PCDH11X: variants seen among roughly 807,000 people sequenced by gnomAD.
The protein encoded by PCDH11X is protocadherin 11 X-linked, also known as protocadherin-11 X-linked.
Under a neutral mutation model 53.3 loss-of-function variants are expected in PCDH11X, and 18 were observed. That is an observed-to-expected ratio of 0.34 (90% CI 0.23 to 0.50). The LOEUF (loss-of-function observed/expected upper bound fraction) is 0.50. Among genes scored for constraint, PCDH11X ranks in the 20% least tolerant of loss-of-function variants. The pLI, the probability that PCDH11X is intolerant of heterozygous loss-of-function variation, is 0.98. For synonymous variants in PCDH11X, 279 were observed against 393.3 expected (o/e 0.71, Z 3.44); for missense variants, 570 against 1,032.4 (o/e 0.55, Z 6.14).
At chrX:92,147,839 C>CTT (rs1216549015) in intron 6 of PCDH11X, among the ~76,000 whole-genome samples, 1 of 96,130 alleles carries the variant, frequency 1.0e-5, no homozygotes. Flanking sequence ...TTCTTTCTTT[C>CTT]TTTCTTTCTT....
intron 5 of PCDH11X, among the ~76,000 whole-genome samples, chrX:91,845,832 C>G (rs1602348938): frequency 9.1e-6 from 1 of 109,962 alleles, no homozygotes; most frequent in South Asian, 3.9e-4. Flanking sequence ...AACTAGTTTA[C>G]GTGTAAGGTA....
intron 6 of PCDH11X, among the ~76,000 whole-genome samples, chrX:91,894,548 T>C (rs1940658896): frequency 9.0e-6 from 1 of 111,705 alleles, no homozygotes; most frequent in African/African-American, 3.3e-5. Flanking sequence ...TTTAATCTGA[T>C]AGAGGCCAAA....
chrX:91,985,885 T>C (rs2062220823), intron 6 of PCDH11X, among the ~76,000 whole-genome samples: 1 of 104,292 alleles, frequency 9.6e-6, no homozygotes, highest in South Asian at 4.5e-4. Flanking sequence ...TGGAAAATTG[T>C]CTTTTTAAAA....
chrX:92,186,564 G>A (rs1204405335), intron 6 of PCDH11X, among the ~76,000 whole-genome samples: 1 of 102,598 alleles, frequency 9.7e-6, no homozygotes, highest in Admixed American at 1.1e-4. Context: ...GGAGGCGGAG[G>A]TTGCGGTGAG....
chrX:92,352,155 C>T (rs1278257344), intron 8 of PCDH11X, among the ~76,000 whole-genome samples: 1 of 111,303 alleles, frequency 9.0e-6, no homozygotes, highest in African/African-American at 3.3e-5. Context: ...CATCTACTGG[C>T]CTTGGATACT....
At chrX:92,300,268 C>T (rs1413594660) in intron 8 of PCDH11X, among the ~76,000 whole-genome samples, 3 of 111,030 alleles carry the variant, frequency 2.7e-5, no homozygotes. Context: ...AATATATACA[C>T]CTACTATGTA....
intron 6 of PCDH11X, among the ~76,000 whole-genome samples, chrX:91,969,297 A>G (rs1281062663): frequency 6.3e-5 from 7 of 111,271 alleles, no homozygotes; most frequent in Non-Finnish European, 1.3e-4. Flanking sequence ...GTATAACCAC[A>G]TGTCACAGCA....
chrX:92,418,996 G>A (rs1440736490), intron 9 of PCDH11X, among the ~76,000 whole-genome samples: 1 of 101,565 alleles, frequency 9.8e-6, no homozygotes, highest in Admixed American at 1.1e-4. Flanking sequence ...GTGTAGAAGT[G>A]TTTGTTTTCT....
At chrX:92,053,234 C>T (rs1392348131) in intron 6 of PCDH11X, among the ~76,000 whole-genome samples, 5 of 110,645 alleles carry the variant, frequency 4.5e-5, no homozygotes, top group African/African-American at 1.3e-4. Context: ...TACTGGCATA[C>T]GAATACATGC....
At chrX:92,335,572 G>A (rs1456336777) in intron 8 of PCDH11X, among the ~76,000 whole-genome samples, 1 of 110,004 alleles carries the variant, frequency 9.1e-6, no homozygotes, top group Non-Finnish European at 1.9e-5. Context: ...ATAACAAAAG[G>A]GTGAAAATGA....
At chrX:91,904,450 A>G (rs1602465577) in intron 6 of PCDH11X, among the ~76,000 whole-genome samples, 3 of 110,808 alleles carry the variant, frequency 2.7e-5, no homozygotes, top group Admixed American at 9.7e-5. Flanking sequence ...TTTGGATATT[A>G]TATTTCTCAA....
rs1928254009 is a variant in PCDH11X, at chrX:92,618,622, C to T, written c.3726C>T (p.Ala1242=). ...GCCCACCATCAGCACAGGCCTCAGC[C>T]CTCTGCTACAGCCCTCCTTTAGCAC... ...HHSPPSAQAS[A]LCYSPPLAQA... is the part of the protein sequence containing the mutation. The change falls in exon 11 of 11, where the codon GCC becomes GCT. Residue 1242 remains alanine, a synonymous_variant. Coordinates refer to ENST00000682573, the MANE Select transcript of PCDH11X (RefSeq NM_032968.5). The T allele has an allele frequency of 1.7e-6, 2 of 1,210,457 alleles. No individual in the cohort carries two copies. The highest frequency in any genetic ancestry group is 1.7e-5 in the African/African-American group (1 of 57,324).
intron 5 of PCDH11X, among the ~76,000 whole-genome samples, chrX:91,853,222 C>CTGAGGT (rs1477606615): frequency 9.0e-6 from 1 of 111,208 alleles, no homozygotes; most frequent in Non-Finnish European, 1.9e-5. Flanking sequence ...ACAGAGTAGC[C>CTGAGGT]TGAGGTGGTT....
At chrX:92,339,018 A>G (rs1186062545) in intron 8 of PCDH11X, among the ~76,000 whole-genome samples, 4 of 111,729 alleles carry the variant, frequency 3.6e-5, no homozygotes, top group African/African-American at 1.3e-4. Context: ...ACTTCAAACT[A>G]TACTACAAAG....
At chrX:91,973,874 C>A (rs1396693086) in intron 6 of PCDH11X, among the ~76,000 whole-genome samples, 1 of 111,088 alleles carries the variant, frequency 9.0e-6, no homozygotes, top group Non-Finnish European at 1.9e-5. Context: ...CTTGGCCTCC[C>A]AAAGTGCTGG....
chrX:91,894,666 C>T (rs1205461057), intron 6 of PCDH11X, among the ~76,000 whole-genome samples: 1 of 111,135 alleles, frequency 9.0e-6, no homozygotes, highest in Non-Finnish European at 1.9e-5. Context: ...CTATTTCTAC[C>T]TCAAATATCA....
chrX:92,247,814 C>T (rs779087950), intron 7 of PCDH11X, among the ~76,000 whole-genome samples: 3 of 111,570 alleles, frequency 2.7e-5, no homozygotes, highest in African/African-American at 3.3e-5. Flanking sequence ...ACCTTATTTC[C>T]AAATAAGGCC....
At position 92,248,969 on chromosome X, in the gene PCDH11X, G is replaced by T. The variant is rs772733962; in HGVS notation, c.3115-14145G>T. Among the ~76,000 whole-genome samples, 3 of 111,490 alleles carry T rather than the reference G, an allele frequency of 2.7e-5. No homozygotes were observed. The South Asian group carries it at 1.1e-3, about 42-fold the overall frequency. ...TCCACCAGCCTTGGCCTCCCAATGTGCTGGGATTACAGGCATGAGCCACTG... is the reference window on the plus strand; with the variant it reads ...TCCACCAGCCTTGGCCTCCCAATGTTCTGGGATTACAGGCATGAGCCACTG... On this transcript the variant is annotated intron_variant, in intron 7 of 10. Coordinates refer to ENST00000682573, the MANE Select transcript of PCDH11X (RefSeq NM_032968.5).
At chrX:92,423,713 G>T (rs1406751158) in intron 9 of PCDH11X, among the ~76,000 whole-genome samples, 1 of 95,678 alleles carries the variant, frequency 1.0e-5, no homozygotes, top group African/African-American at 3.4e-5. Context: ...CATGTGGCTT[G>T]CCAATTATCC....
Sources: gnomAD v4.1 joint callset for allele counts (sites outside exome capture counted in the v4.1 genomes callset) on GRCh38, gnomAD v4.1.1 for gene constraint, MANE v1.5 for transcripts, NCBI Gene and HGNC (gene_info 2026-07-23, HGNC 2026-07-21) for gene names.